TNS3: variants seen among roughly 807,000 people sequenced by gnomAD.
TNS3 encodes the protein tensin 3.
In TNS3, 45 loss-of-function variants were observed where a neutral mutation model predicts 140.9. That is an observed-to-expected ratio of 0.32 (90% CI 0.25 to 0.41). The LOEUF is 0.41. Among genes scored for constraint, TNS3 ranks in the 10% least tolerant of loss-of-function variants. The probability of loss-of-function intolerance (pLI) is 1.00; values close to 1 mark genes in which losing one functional copy is unlikely to be tolerated. For missense variants in TNS3, 1,716 were observed against 1,906.7 expected (o/e 0.90, Z 1.86); for synonymous variants, 815 against 788.4 (o/e 1.03, Z -0.56).
At chr7:47,356,969 T>A (rs1264158475) in intron 17 of TNS3, among the ~76,000 whole-genome samples, 1 of 150,574 alleles carries the variant, frequency 6.6e-6, no homozygotes, top group Non-Finnish European at 1.5e-5. Context: ...ATGCCTGTCG[T>A]CCTAACTACT....
chr7:47,409,786 T>G (rs950047118), intron 13 of TNS3, among the ~76,000 whole-genome samples: 1 of 152,080 alleles, frequency 6.6e-6, no homozygotes, highest in Non-Finnish European at 1.5e-5. Flanking sequence ...GCCTCCTGAG[T>G]AGGTGGGACT....
At chr7:47,495,532 A>T (rs1282888051) in intron 3 of TNS3, among the ~76,000 whole-genome samples, 1 of 152,154 alleles carries the variant, frequency 6.6e-6, no homozygotes, top group Non-Finnish European at 1.5e-5. Flanking sequence ...ATGTCCCAAC[A>T]GGGGCGGGCT....
intron 4 of TNS3, among the ~76,000 whole-genome samples, chr7:47,459,885 G>A (rs1262556379): frequency 1.3e-5 from 2 of 152,118 alleles, no homozygotes; most frequent in East Asian, 3.9e-4. Context: ...ATATGTTGAA[G>A]TCCTAGTGCC....
chr7:47,484,021 G>A (rs1395370902), intron 3 of TNS3, among the ~76,000 whole-genome samples: 2 of 152,298 alleles, frequency 1.3e-5, no homozygotes, highest in Middle Eastern at 3.4e-3. Context: ...AACAGTAGGG[G>A]GCGAGCAGCC....
chr7:47,448,387 G>A, intron 4 of TNS3, among the ~76,000 whole-genome samples: 1 of 152,132 alleles, frequency 6.6e-6, no homozygotes, highest in African/African-American at 2.4e-5. Context: ...CCTCTCCACA[G>A]CTGAGGATCT....
At position 47,380,398 on chromosome 7, in the gene TNS3, C is replaced by T. The variant is rs3801085; in HGVS notation, c.1025-10777G>A. Among the ~76,000 whole-genome samples the T allele has an allele frequency of 5.4e-4, 82 of 152,346 alleles. No homozygotes were observed. In the East Asian group the frequency reaches 0.014, roughly 26 times the overall value. On this transcript the variant is annotated intron_variant, in intron 16 of 30. Transcript: ENST00000311160. ...TGTTGGCCTTATCTGAGGCCACCCA[C>T]GCCGGCTGGCCACAGAGGCGGCCAG...
chr7:47,341,362 G>C lies in TNS3; in HGVS notation c.2650+3393C>G, dbSNP rs1429984473. 2.0e-5 allele frequency among the ~76,000 whole-genome samples: 3 copies of C among 152,172 alleles called. No individual in the cohort carries two copies. The East Asian group carries it at 5.8e-4, about 29-fold the overall frequency. On this transcript the variant is annotated intron_variant, in intron 20 of 30. Coordinates refer to ENST00000311160, the MANE Select transcript of TNS3 (RefSeq NM_022748.12). Reference sequence around the variant, plus strand: ...TTGGTAGAATTATCCAGTGAAACCTGAAGATTTCTTTTTTGGGAGATTATA... The same window carrying C: ...TTGGTAGAATTATCCAGTGAAACCTCAAGATTTCTTTTTTGGGAGATTATA...
chr7:47,516,022 C>A (rs1436651245), intron 2 of TNS3, among the ~76,000 whole-genome samples: 1 of 152,202 alleles, frequency 6.6e-6, no homozygotes, highest in South Asian at 2.1e-4. Context: ...ACACCTCTAC[C>A]AAAACGTCAC....
intron 20 of TNS3, among the ~76,000 whole-genome samples, chr7:47,305,453 A>T (rs989700158): frequency 1.3e-5 from 2 of 152,184 alleles, no homozygotes; most frequent in African/African-American, 4.8e-5. Flanking sequence ...CCCAATAAAG[A>T]CCATAAGTGC....
chr7:47,373,108 C>G (rs988459062), intron 16 of TNS3, among the ~76,000 whole-genome samples: 7 of 152,122 alleles, frequency 4.6e-5, no homozygotes, highest in Non-Finnish European at 7.4e-5. Context: ...CTGGAACACA[C>G]CGTTCCTATC....
chr7:47,346,222 G>C lies in TNS3; in HGVS notation c.2416C>G (p.Leu806Val), dbSNP rs146910644. The C allele has an allele frequency of 1.9e-6, 3 of 1,614,090 alleles. No individual in the cohort carries two copies. The highest frequency in any genetic ancestry group is 1.7e-5 in the Admixed American group (1 of 60,012). ...TCCGCTGGTGAGGGGAATGGCGGCA[G>C]GTTTGGGGCATAGTCCACACCAGCC... ...GKAGVDYAPN[L>V]PPFPSPADVK... Residue 806 changes from leucine (L) to valine (V), a missense_variant, in exon 18 of 31, where the codon CTG becomes GTG. Leu to Val is a conservative substitution (Grantham distance 32). Transcript: ENST00000311160.
intron 8 of TNS3, among the ~76,000 whole-genome samples, chr7:47,430,479 C>T (rs1330561711): frequency 6.6e-6 from 1 of 152,104 alleles, no homozygotes. Context: ...AATACCACAA[C>T]CGTACGGGAC....
At chr7:47,400,614 A>G (rs942898406) in intron 14 of TNS3, among the ~76,000 whole-genome samples, 156 bp from the exon 15 acceptor site, 4 of 152,372 alleles carry the variant, frequency 2.6e-5, no homozygotes, top group South Asian at 4.1e-4. Context: ...TTCATTGGTT[A>G]TCCATAATTT....
chr7:47,430,440 A>G (rs576638168), intron 8 of TNS3, among the ~76,000 whole-genome samples: 1 of 151,912 alleles, frequency 6.6e-6, no homozygotes, highest in African/African-American at 2.4e-5. Context: ...TATAAAGCAA[A>G]TATTAAAAGA....
intron 4 of TNS3, among the ~76,000 whole-genome samples, chr7:47,474,933 C>T (rs757238297): frequency 6.7e-6 from 1 of 149,712 alleles, no homozygotes; most frequent in Non-Finnish European, 1.5e-5. Context: ...ACACAGGTAA[C>T]ACCTCACACA....
chr7:47,461,524 G>A lies in TNS3; in HGVS notation c.-75-19469C>T, dbSNP rs565396425. Among the ~76,000 whole-genome samples, 8 of 152,272 alleles carry A rather than the reference G, an allele frequency of 5.3e-5. 1 individual carries two copies. In the South Asian group the frequency reaches 1.7e-3, roughly 32 times the overall value. On this transcript the variant is annotated intron_variant, in intron 4 of 30. Coordinates refer to ENST00000311160, the MANE Select transcript of TNS3 (RefSeq NM_022748.12). ...TAGATGAAGACCGAAGGGGCCCAGG[G>A]CCTTCCTCACCACCCCTGTCCAGGA...
At chr7:47,339,436 T>C (rs544501544) in intron 20 of TNS3, among the ~76,000 whole-genome samples, 20 of 152,300 alleles carry the variant, frequency 1.3e-4, no homozygotes, top group African/African-American at 4.8e-4. Context: ...CCCGCATCAT[T>C]TGTTGAAAGG....
chr7:47,414,165 C>T (rs116429512), intron 11 of TNS3, among the ~76,000 whole-genome samples, 168 bp from the exon 12 acceptor site: 2 of 152,196 alleles, frequency 1.3e-5, no homozygotes, highest in East Asian at 1.9e-4. Flanking sequence ...AGGAAAAGGC[C>T]GGACCCGGTC....
At position 47,297,145 on chromosome 7, in the gene TNS3, C is replaced by T. The variant is rs755646376; in HGVS notation, c.3613G>A (p.Ala1205Thr). 3 of 1,613,968 alleles carry T rather than the reference C, an allele frequency of 1.9e-6. No individual in the cohort carries two copies. Among genetic ancestry groups the T allele is most frequent in the Non-Finnish European group, 2.5e-6 (3 of 1,180,008 alleles). Residue 1205 changes from alanine to threonine, a missense_variant, in exon 24 of 31, where the codon GCC becomes ACC. Ala to Thr is a moderately conservative substitution (Grantham distance 58, BLOSUM62 0). Around this residue, in one of 3 missense-constraint regions of TNS3, gnomAD observed 1,163 missense variants for 1,182.1 expected, o/e 0.98. Coordinates refer to ENST00000311160, the MANE Select transcript of TNS3 (RefSeq NM_022748.12). ...IVRDSHSFRG[A>T]YGLAMKVATP... ...GCCACCTTCATGGCCAGGCCATAGG[C>T]CCCTCGGAAGGAATGGCTGTCTCGA...
Sources: gnomAD v4.1 joint callset for allele counts (sites outside exome capture counted in the v4.1 genomes callset) on GRCh38, gnomAD v4.1.1 for gene constraint, gnomAD v4.1.1 regional missense constraint, MANE v1.5 for transcripts, NCBI Gene and HGNC (gene_info 2026-07-23, HGNC 2026-07-21) for gene names.